Variants in POU6F2 observed in about 807,000 individuals in gnomAD.
The protein encoded by POU6F2 is POU class 6 homeobox 2.
POU6F2 carries 31 observed loss-of-function variants against 71.3 expected under a neutral mutation model. The observed-to-expected ratio is 0.43, with a 90% CI of 0.33 to 0.59. The LOEUF (loss-of-function observed/expected upper bound fraction) is 0.59, where lower values mean the gene tolerates loss of function less well. Among genes scored for constraint, POU6F2 ranks in the 20% least tolerant of loss-of-function variants. The pLI, the probability that POU6F2 is intolerant of heterozygous loss-of-function variation, is 0.04. For missense variants in POU6F2, 783 were observed against 856.8 expected (o/e 0.91, Z 1.07); for synonymous variants, 347 against 355.7 (o/e 0.98, Z 0.27).
At chr7:39,390,081 C>T (rs551289108) in intron 5 of POU6F2, among the ~76,000 whole-genome samples, 9 of 152,286 alleles carry the variant, frequency 5.9e-5, no homozygotes, top group South Asian at 4.1e-4. Flanking sequence ...CCATCAGATA[C>T]GATCATGCTC....
intron 4 of POU6F2, among the ~76,000 whole-genome samples, chr7:39,334,635 G>A (rs1785728003): frequency 6.6e-6 from 1 of 152,142 alleles, no homozygotes; most frequent in African/African-American, 2.4e-5. Context: ...CCATCTGCGG[G>A]TGCAGGCTAG....
intron 4 of POU6F2, among the ~76,000 whole-genome samples, chr7:39,235,545 G>T (rs545755064): frequency 6.6e-6 from 1 of 152,112 alleles, no homozygotes; most frequent in Admixed American, 6.6e-5. Flanking sequence ...CAAAGTTTCA[G>T]CCTGTTTCCC....
chr7:39,344,452 T>G (rs1785988439), intron 5 of POU6F2, among the ~76,000 whole-genome samples: 1 of 152,144 alleles, frequency 6.6e-6, no homozygotes, highest in Admixed American at 6.5e-5. Flanking sequence ...TGAGATATTT[T>G]CCCACTGGCA....
In POU6F2 at chr7:39,380,832, A is replaced by C. The variant is rs930108419; in HGVS notation, c.973-25768A>C. Among the ~76,000 whole-genome samples the C allele has an allele frequency of 5.3e-5, 8 of 152,178 alleles. No homozygotes were observed. In the East Asian group the frequency reaches 1.5e-3, roughly 29 times the overall value. On this transcript the variant is annotated intron_variant, in intron 5 of 9. Coordinates refer to ENST00000518318, the MANE Select transcript of POU6F2 (RefSeq NM_001370959.1). Reference sequence around the variant, plus strand: ...GAGACAAGTTTCCCGACAGATCCCCAAGTCCTGCTTCCTCGTGTCGTGTGC... The same window carrying C: ...GAGACAAGTTTCCCGACAGATCCCCCAGTCCTGCTTCCTCGTGTCGTGTGC...
At position 39,451,547 on chromosome 7, in the gene POU6F2, C is replaced by T. The variant is rs770831541; in HGVS notation, c.1335C>T (p.Ser445=). 3 of 1,613,378 alleles carry T rather than the reference C, an allele frequency of 1.9e-6. No individual in the cohort carries two copies. The highest frequency in any genetic ancestry group is 1.7e-5 in the Admixed American group (1 of 59,964). ...IKPGQQLHQP[S]QTSVGQAASQ... ...CCCTCATGTAGCTCCACCAACCCTC[C>T]CAGACGTCAGTGGGTCAAGCAGCCT... is the stretch of plus-strand genomic sequence containing the variant. Residue 445 remains serine, a synonymous_variant, in exon 8 of 10, where the codon TCC becomes TCT. Coordinates refer to ENST00000518318, the MANE Select transcript of POU6F2 (RefSeq NM_001370959.1).
intron 2 of POU6F2, among the ~76,000 whole-genome samples, chr7:39,164,868 G>A (rs139497063): frequency 1.2e-3 from 182 of 152,274 alleles, no homozygotes; most frequent in African/African-American, 4.1e-3. Flanking sequence ...TCTCCAGTAA[G>A]CCAGATAAGT....
chr7:39,353,756 G>A (rs567654846), intron 5 of POU6F2, among the ~76,000 whole-genome samples: 7 of 152,032 alleles, frequency 4.6e-5, no homozygotes, highest in Admixed American at 3.9e-4. Context: ...TGATGGACTG[G>A]GGCTGCAGGT....
At position 39,460,832 on chromosome 7, in the gene POU6F2, A is replaced by C; in HGVS notation, c.1658+117A>C. 1 of 1,212,758 alleles carries C rather than the reference A, an allele frequency of 8.2e-7. No homozygotes were observed. The highest frequency in any genetic ancestry group is 1.7e-5 in the South Asian group (1 of 57,208). 75.1% of individuals were successfully genotyped at this position (1,212,758 alleles called of 1,614,324 possible). On this transcript the variant is annotated intron_variant, in intron 9 of 9. Transcript: ENST00000518318. The surrounding 1 kb of genome is among the most constrained non-coding windows in gnomAD (Gnocchi z 4.4). ...CTGGAGGGGCAGAGAGTGGGAACAAAGTTTGGGGGCAGCTATATGTTGGGA... is the reference window on the plus strand; with the variant it reads ...CTGGAGGGGCAGAGAGTGGGAACAACGTTTGGGGGCAGCTATATGTTGGGA...
intron 2 of POU6F2, among the ~76,000 whole-genome samples, chr7:39,089,438 A>G (rs1791319402): frequency 6.6e-6 from 1 of 152,228 alleles, no homozygotes; most frequent in Non-Finnish European, 1.5e-5. Context: ...CTGTGTGATC[A>G]GATGAGTGAT....
intron 4 of POU6F2, among the ~76,000 whole-genome samples, chr7:39,215,697 G>A (rs1048578758): frequency 1.3e-5 from 2 of 152,268 alleles, no homozygotes; most frequent in South Asian, 4.1e-4. Flanking sequence ...GTGGGGAAGC[G>A]TGGCAGGGAT....
At chr7:39,081,113 T>C (rs1446146273) in intron 1 of POU6F2, among the ~76,000 whole-genome samples, 1 of 152,198 alleles carries the variant, frequency 6.6e-6, no homozygotes, top group African/African-American at 2.4e-5. Context: ...TATATATGGT[T>C]AGTATATAGT....
intron 4 of POU6F2, among the ~76,000 whole-genome samples, chr7:39,253,545 G>A (rs1783965261): frequency 6.6e-6 from 1 of 152,208 alleles, no homozygotes; most frequent in Non-Finnish European, 1.5e-5. Flanking sequence ...CTTCTAATGA[G>A]GGAATGAAAT....
intron 2 of POU6F2, among the ~76,000 whole-genome samples, chr7:39,184,212 A>G (rs1452550799): frequency 6.6e-6 from 1 of 152,174 alleles, no homozygotes; most frequent in Non-Finnish European, 1.5e-5. Context: ...CAGTGACCCA[A>G]TCTGTTAATT....
At chr7:39,135,048 C>T (rs1056715093) in intron 2 of POU6F2, among the ~76,000 whole-genome samples, 5 of 151,966 alleles carry the variant, frequency 3.3e-5, no homozygotes, top group African/African-American at 4.8e-5. Context: ...AATTCAGTAA[C>T]TTAGAGAACT....
At chr7:39,209,329 T>A (rs373910099) in intron 4 of POU6F2, among the ~76,000 whole-genome samples, 9 of 152,316 alleles carry the variant, frequency 5.9e-5, no homozygotes, top group Non-Finnish European at 8.8e-5. Flanking sequence ...GCTTTTCTTA[T>A]CCCTGGGCAC....
chr7:39,461,633 A>C (rs1788951962), intron 9 of POU6F2, among the ~76,000 whole-genome samples: 1 of 152,184 alleles, frequency 6.6e-6, no homozygotes, highest in Non-Finnish European at 1.5e-5. Flanking sequence ...ACGGAAGTGT[A>C]CTTTTCCTGC....
chr7:39,132,906 G>A (rs1792318616), intron 2 of POU6F2, among the ~76,000 whole-genome samples: 1 of 152,100 alleles, frequency 6.6e-6, no homozygotes, highest in Non-Finnish European at 1.5e-5. Flanking sequence ...TGGAAATGGA[G>A]ACTAGTTTAA....
intron 5 of POU6F2, among the ~76,000 whole-genome samples, chr7:39,382,990 A>C (rs904813243): frequency 6.6e-6 from 1 of 152,260 alleles, no homozygotes; most frequent in Non-Finnish European, 1.5e-5. Context: ...TATATCATGT[A>C]GTTTTTAAAA....
chr7:39,243,040 G>A (rs972271479), intron 4 of POU6F2, among the ~76,000 whole-genome samples: 2 of 152,116 alleles, frequency 1.3e-5, no homozygotes, highest in Admixed American at 1.3e-4. Flanking sequence ...TGAATTAAAT[G>A]AATTTTAAAA....
Sources: allele counts gnomAD v4.1 joint callset (sites outside exome capture counted in the v4.1 genomes callset), GRCh38; gene constraint gnomAD v4.1.1; non-coding constraint Gnocchi (gnomAD v3.1); transcripts MANE v1.5; gene names NCBI Gene and HGNC (gene_info 2026-07-23, HGNC 2026-07-21).